Variants in ABCA2 observed in about 807,000 individuals in gnomAD.
ABCA2 encodes the protein ATP binding cassette subfamily A member 2.
ABCA2 carries 84 observed loss-of-function variants against 262.8 expected under a neutral mutation model. That is an observed-to-expected ratio of 0.32 (90% CI 0.27 to 0.38). The LOEUF is 0.38. Among genes scored for constraint, ABCA2 ranks in the 10% least tolerant of loss-of-function variants. ABCA2 has a pLI of 1.00. For missense variants in ABCA2, 2,662 were observed against 3,405.9 expected, an observed-to-expected ratio of 0.78 and a Z score of 5.44; for synonymous variants, 1,696 against 1,502.9, an observed-to-expected ratio of 1.13 and a Z score of -2.97.
intron 10 of ABCA2, 73 bp downstream of exon 10, chr9:137,020,263 C>A: frequency 6.3e-7 from 1 of 1,592,486 alleles, no homozygotes; most frequent in Non-Finnish European, 8.5e-7. Flanking sequence ...CACCCTCTGC[C>A]CAGGGGTCCC....
In ABCA2 at chr9:137,012,443, G is replaced by A. The variant is rs770301750; in HGVS notation, c.5187+42C>T. Reference sequence around the variant, plus strand: ...ACCTGGGTCCCTGCAGACCTCGGGCGGCGCTACACACAGCGGGGCCCAGGC... The same window carrying A: ...ACCTGGGTCCCTGCAGACCTCGGGCAGCGCTACACACAGCGGGGCCCAGGC... On this transcript the variant is annotated intron_variant, in intron 32 of 48. Transcript: ENST00000341511. 1.1e-5 allele frequency: 17 copies of A among 1,608,046 alleles called. No homozygotes were observed. The East Asian group carries it at 1.1e-4, about 11-fold the overall frequency.
chr9:137,020,563 C>T lies in ABCA2; in HGVS notation c.1266-68G>A. 7 of 1,542,752 alleles carry T rather than the reference C, an allele frequency of 4.5e-6. No individual in the cohort carries two copies. In the Admixed American group the frequency reaches 7.2e-5, roughly 16 times the overall value. ...AGGGCCGCGAGAGTGGGAGGGGCAT[C>T]GGGATGGGGCAGGACTTCGGGGCAC... On this transcript the variant is annotated intron_variant, in intron 9 of 48. Coordinates refer to ENST00000341511, the MANE Select transcript of ABCA2 (RefSeq NM_001606.5).
rs1831377992 is a variant in ABCA2, at chr9:137,019,437, T to C, written c.1426-131A>G. 1 of 1,174,568 alleles carries C rather than the reference T, an allele frequency of 8.5e-7. No individual in the cohort carries two copies. The highest frequency in any genetic ancestry group is 2.8e-5 in the Admixed American group (1 of 35,794). 72.8% of individuals were successfully genotyped at this position (1,174,568 alleles called of 1,614,324 possible). Reference sequence around the variant, plus strand: ...AACCCTCCCCACCTTTTTTTTTTTTTTTTTCCTGAGACAGGGTCTCAGTCA... The same window carrying C: ...AACCCTCCCCACCTTTTTTTTTTTTCTTTTCCTGAGACAGGGTCTCAGTCA... On this transcript the variant is annotated intron_variant, in intron 10 of 48. Coordinates refer to ENST00000341511, the MANE Select transcript of ABCA2 (RefSeq NM_001606.5). The surrounding 1 kb of genome is among the most constrained non-coding windows in gnomAD (Gnocchi z 4.4).
intron 26 of ABCA2, 108 bp downstream of exon 26, chr9:137,014,582 A>G: frequency 6.7e-7 from 1 of 1,500,222 alleles, no homozygotes; most frequent in Non-Finnish European, 8.9e-7. Context: ...CCTGGCTTCC[A>G]CCCAGGACCA....
In ABCA2 at chr9:137,021,203, G is replaced by A. The variant is rs985103139; in HGVS notation, c.898-142C>T. On this transcript the variant is annotated intron_variant, in intron 8 of 48. Transcript: ENST00000341511. This position sits in a 1 kb window ranked among gnomAD's most constrained non-coding sequence, Gnocchi z 6.0. ...GGAGTCTGCAGCCTGGGTAACGGGA[G>A]CCCAGGACAGGAGCTGGGATGGTGA... 37 of 1,339,746 alleles carry A rather than the reference G, an allele frequency of 2.8e-5. 1 individual carries two copies. Among genetic ancestry groups the A allele is most frequent in the Middle Eastern group, 2.7e-4 (1 of 3,728 alleles). The allele number at this position is 1,339,746 out of a possible 1,614,324, so 83.0% of individuals were successfully genotyped here.
chr9:137,014,681 G>T lies in ABCA2; in HGVS notation c.4003+9C>A. ...GGGGTGGGCTGAGCAAGTGGTCCAG[G>T]CCCCTCACCGGCCTCACTGTTCTCC... is the stretch of plus-strand genomic sequence containing the variant. On this transcript the variant is annotated intron_variant, in intron 26 of 48. Transcript: ENST00000341511. The T allele has an allele frequency of 6.2e-7, 1 of 1,604,472 alleles. No homozygotes were observed. The highest frequency in any genetic ancestry group is 8.5e-7 in the Non-Finnish European group (1 of 1,176,938).
Position 137,010,731 on chromosome 9 carries a change from C to A in ABCA2, c.6063G>T (p.Met2021Ile). The change falls in exon 40 of 49, where the codon ATG (methionine) becomes ATT (isoleucine). Residue 2021 changes from methionine (M) to isoleucine (I), a missense_variant. By Grantham distance (10) the Met-to-Ile change is conservative. Around this residue, in one of 12 missense-constraint regions of ABCA2, gnomAD observed 602 missense variants for 897.4 expected, o/e 0.67. Transcript: ENST00000341511. ...QYNFLRRPQR[M>I]PVSTKPVEDD... The stretch of plus-strand genomic sequence containing the variant: ...CCTCCACAGGCTTGGTAGACACAGG[C>A]ATGCGCCTTGGGGGACAGGGTGGAC... 1 of 1,612,530 alleles carries A rather than the reference C, an allele frequency of 6.2e-7. No homozygotes were observed. The highest frequency in any genetic ancestry group is 8.5e-7 in the Non-Finnish European group (1 of 1,179,826).
In ABCA2 at chr9:137,016,880, A is replaced by ACCCCTGCCTCT. The variant is rs781482423; in HGVS notation, c.2758+29_2758+39dup. ...TGCTGGTCCCCAACCCTGGCTGGGG[A>ACCCCTGCCTCT]CCCCTGCCTCTCCCCTGCCCTCCAA... is the stretch of plus-strand genomic sequence containing the variant. On this transcript the variant is annotated intron_variant, in intron 19 of 48. Coordinates refer to ENST00000341511, the MANE Select transcript of ABCA2 (RefSeq NM_001606.5). 1.9e-6 allele frequency: 3 copies of ACCCCTGCCTCT among 1,577,488 alleles called. No homozygotes were observed. In the South Asian group the frequency reaches 3.4e-5, roughly 18 times the overall value.
chr9:137,013,541 C>A lies in ABCA2; in HGVS notation c.4470G>T (p.Leu1490=), dbSNP rs931403253. The A allele has an allele frequency of 3.1e-6, 5 of 1,609,824 alleles. No homozygotes were observed. The highest frequency in any genetic ancestry group is 1.7e-5 in the Admixed American group (1 of 59,772). ...TGTAGTTGTGGTACTGGGAAGGTGA[C>A]AGGACCAGCGGGGGCAGATCACCTG... The part of the protein sequence containing the change: ...PEIGDLPPLV[L]SPSQYHNYTQ... Residue 1490 remains leucine (L), a synonymous_variant, in exon 29 of 49, where the codon CTG becomes CTT. Coordinates refer to ENST00000341511, the MANE Select transcript of ABCA2 (RefSeq NM_001606.5).
At chr9:137,018,862 C>G (rs1293687553) in intron 12 of ABCA2, 41 bp downstream of exon 12, 1 of 1,612,164 alleles carries the variant, frequency 6.2e-7, no homozygotes, top group Non-Finnish European at 8.5e-7. Context: ...ATGTGCGAGG[C>G]AGGGGGTGTC....
Position 137,008,543 on chromosome 9 carries a change from G to A in ABCA2, c.7148C>T (p.Pro2383Leu), listed in dbSNP as rs202036726. 1.2e-6 allele frequency: 2 copies of A among 1,604,758 alleles called. No individual in the cohort carries two copies. The highest frequency in any genetic ancestry group is 2.2e-5 in the East Asian group (1 of 44,556). ...GAGCAGGCTGAGCAAGCAGCCGAGA[G>A]GGGACTGCAGTGCGGATGGCGGCTC... is the stretch of plus-strand genomic sequence containing the variant. ...ETEPPSALQS[P>L]LGCLLSLLRP... is the part of the protein sequence containing the mutation. Residue 2383 changes from proline (P) to leucine (L), a missense_variant, in exon 48 of 49, where the codon CCT becomes CTT. Pro to Leu is a moderately conservative substitution (Grantham distance 98). Coordinates refer to ENST00000341511, the MANE Select transcript of ABCA2 (RefSeq NM_001606.5).
rs547473886 is a variant in ABCA2 at position 137,022,926 on chromosome 9, C to T, written c.275+15G>A. The T allele has an allele frequency of 2.6e-4, 98 of 374,950 alleles. 1 individual carries two copies. The highest frequency in any genetic ancestry group is 2.2e-3 in the South Asian group (76 of 35,018). 23.2% of individuals were successfully genotyped at this position (374,950 alleles called of 1,614,324 possible). On this transcript the variant is annotated intron_variant, in intron 4 of 48. Transcript: ENST00000341511. ...GGGGAGGGGTGGGTGCTCCGAGGGGCGGGTGGGCACTCACGTGGAGTTGGC... is the reference window on the plus strand; with the variant it reads ...GGGGAGGGGTGGGTGCTCCGAGGGGTGGGTGGGCACTCACGTGGAGTTGGC...
intron 1 of ABCA2, among the ~76,000 whole-genome samples, chr9:137,025,034 G>A (rs1003336801): frequency 1.3e-5 from 2 of 152,112 alleles, no homozygotes; most frequent in African/African-American, 4.8e-5. Context: ...TCCTGACCTC[G>A]TGATCCGCCC....
At chr9:137,012,674 C>T in intron 31 of ABCA2, 38 bp downstream of exon 31, 1 of 1,610,726 alleles carries the variant, frequency 6.2e-7, no homozygotes, top group Non-Finnish European at 8.5e-7. Context: ...TGGCTGGTGG[C>T]CGGCCACCCT....
Position 137,014,218 on chromosome 9 carries a change from T to G in ABCA2, c.4190A>C (p.Tyr1397Ser), listed in dbSNP as rs1426329025. 1 of 1,609,408 alleles carries G rather than the reference T, an allele frequency of 6.2e-7. No individual in the cohort carries two copies. Among genetic ancestry groups the G allele is most frequent in the Non-Finnish European group, 8.5e-7 (1 of 1,178,528 alleles). Residue 1397 changes from tyrosine to serine, a missense_variant, in exon 27 of 49, where the codon TAC (tyrosine) becomes TCC (serine). By Grantham distance (144) the Tyr-to-Ser change is moderately radical. Around this residue, in one of 12 missense-constraint regions of ABCA2, gnomAD observed 297 missense variants for 286.5 expected, o/e 1.04. Coordinates refer to ENST00000341511, the MANE Select transcript of ABCA2 (RefSeq NM_001606.5). Reference sequence around the variant, plus strand: ...CTGTGGGTTATCAAAGAGGGGGCGGTAGTCGCCATAGACGTCGGTGTAGCC... The same window carrying G: ...CTGTGGGTTATCAAAGAGGGGGCGGGAGTCGCCATAGACGTCGGTGTAGCC... ...GAGYTDVYGD[Y>S]RPLFDNPQDP...
rs769699229 is a variant in ABCA2 at position 137,022,390 on chromosome 9, C to G, written c.528G>C (p.Thr176=). ...LTQNLSLPNS[T]AQALLAARVD... Reference sequence around the variant, plus strand: ...CACGGGCGGCCAAGAGTGCTTGGGCCGTGCTATTGGGCAGCGACAAGTTTT... The same window carrying G: ...CACGGGCGGCCAAGAGTGCTTGGGCGGTGCTATTGGGCAGCGACAAGTTTT... The change falls in exon 6 of 49, where the codon ACG becomes ACC. Residue 176 remains threonine (T), a synonymous_variant. Transcript: ENST00000341511. 1.2e-6 allele frequency: 2 copies of G among 1,611,268 alleles called. No individual in the cohort carries two copies. The highest frequency in any genetic ancestry group is 1.7e-6 in the Non-Finnish European group (2 of 1,179,428).
At chr9:137,028,825 A>G, upstream of ABCA2, 1 of 1,308,282 alleles carries the variant, frequency 7.6e-7, no homozygotes, top group South Asian at 1.3e-5. This position sits in a 1 kb window ranked among gnomAD's most constrained non-coding sequence, Gnocchi z 6.9. Context: ...CGGAGCAGGC[A>G]GGGGACCGAG....
At position 137,009,558 on chromosome 9, in the gene ABCA2, C is replaced by T. The variant is rs1416939755; in HGVS notation, c.6717G>A (p.Val2239=). 1.2e-6 allele frequency: 2 copies of T among 1,612,714 alleles called. No homozygotes were observed. Residue 2239 remains valine, a synonymous_variant, in exon 44 of 49, where the codon GTG becomes GTA. Transcript: ENST00000341511. ...ILDLIKTGRS[V]VLTSHSMEEC... ...GCCCTCACCTGTGTGATGTCAGCAC[C>T]ACTGAACGCCCTGTCTTGATGAGGT...
intron 6 of ABCA2, 96 bp from the exon 7 acceptor site, chr9:137,022,097 G>A: frequency 1.4e-6 from 1 of 699,636 alleles, no homozygotes; most frequent in Non-Finnish European, 2.3e-6. Context: ...GCGTGGCTTA[G>A]ATGGTGGGGG....
Sources: gnomAD v4.1 joint callset for allele counts (sites outside exome capture counted in the v4.1 genomes callset) on GRCh38, gnomAD v4.1.1 for gene constraint, gnomAD v4.1.1 regional missense constraint, Gnocchi (gnomAD v3.1) non-coding constraint, MANE v1.5 for transcripts, NCBI Gene and HGNC (gene_info 2026-07-23, HGNC 2026-07-21) for gene names.